The following CNTN5 variants were observed in gnomAD, a reference collection of about 807,000 sequenced individuals.
CNTN5 encodes the protein contactin-5.
Under a neutral mutation model 129.1 loss-of-function variants are expected in CNTN5, and 77 were observed. The observed-to-expected ratio is 0.60, with a 90% CI of 0.50 to 0.72. The LOEUF is 0.72. Ranked by LOEUF, CNTN5 falls within the 30% of genes least tolerant of loss-of-function variation. CNTN5 has a pLI of 0.00. For synonymous variants in CNTN5, 509 were observed against 465.6 expected, an observed-to-expected ratio of 1.09 and a Z score of -1.20; for missense variants, 1,478 against 1,328.8, an observed-to-expected ratio of 1.11 and a Z score of -1.75.
intron 10 of CNTN5, among the ~76,000 whole-genome samples, chr11:100,069,281 T>TCG (rs1943810816): frequency 6.6e-6 from 1 of 152,076 alleles, no homozygotes; most frequent in African/African-American, 2.4e-5. Context: ...ACCTTCCAAG[T>TCG]GGCTGGACCG....
At position 100,342,757 on chromosome 11, in the gene CNTN5, G is replaced by A. The variant is rs551235625; in HGVS notation, c.3030+1552G>A. Among the ~76,000 whole-genome samples, 47 of 152,200 alleles carry A rather than the reference G, an allele frequency of 3.1e-4. 1 individual carries two copies. The South Asian group carries it at 8.9e-3, about 29-fold the overall frequency. On this transcript the variant is annotated intron_variant, in intron 23 of 24. Coordinates refer to ENST00000524871, the MANE Select transcript of CNTN5 (RefSeq NM_014361.4). ...GACTAACGTTGGCCCAGATAGAAAT[G>A]TCTTATGCAGTTATTTATATATGTG...
intron 13 of CNTN5, among the ~76,000 whole-genome samples, chr11:100,118,383 C>T (rs1945908074): frequency 6.6e-6 from 1 of 151,698 alleles, no homozygotes; most frequent in Non-Finnish European, 1.5e-5. Flanking sequence ...CAGTACTGCT[C>T]GTTACACTAT....
chr11:99,480,927 T>C (rs1000843935), intron 2 of CNTN5, among the ~76,000 whole-genome samples: 5 of 152,162 alleles, frequency 3.3e-5, no homozygotes, highest in African/African-American at 4.8e-5. Context: ...TGAGAATTCA[T>C]TGGGGATATT....
intron 18 of CNTN5, among the ~76,000 whole-genome samples, chr11:100,285,886 T>C (rs1022664542): frequency 4.6e-5 from 7 of 152,078 alleles, no homozygotes; most frequent in Admixed American, 2.0e-4. Context: ...TGGGCGCAGG[T>C]CAGTGGGTGC....
intron 13 of CNTN5, among the ~76,000 whole-genome samples, chr11:100,091,900 A>G (rs950595098): frequency 3.3e-5 from 5 of 152,002 alleles, no homozygotes; most frequent in Admixed American, 3.3e-4. Flanking sequence ...TGCAGTTCCT[A>G]CCTTATATGT....
intron 2 of CNTN5, among the ~76,000 whole-genome samples, chr11:99,450,059 A>G (rs111734683): frequency 6.6e-6 from 1 of 152,268 alleles, no homozygotes; most frequent in African/African-American, 2.4e-5. Context: ...AAATTACCAG[A>G]CAGCTAGATT....
At chr11:99,812,835 G>A (rs1946470295) in intron 3 of CNTN5, among the ~76,000 whole-genome samples, 1 of 152,122 alleles carries the variant, frequency 6.6e-6, no homozygotes, top group African/African-American at 2.4e-5. Flanking sequence ...GAGCGATGAT[G>A]GCGGTACTGT....
chr11:99,114,766 A>G (rs918270216), intron 1 of CNTN5, among the ~76,000 whole-genome samples: 43 of 152,300 alleles, frequency 2.8e-4, no homozygotes, highest in African/African-American at 9.6e-4. Context: ...TTCTGTGTGT[A>G]TATATGTGCA....
intron 2 of CNTN5, among the ~76,000 whole-genome samples, chr11:99,472,967 C>A (rs1056704620): frequency 6.6e-6 from 1 of 152,126 alleles, no homozygotes. Context: ...ATTTTGTTCC[C>A]TCTCTGACAG....
intron 2 of CNTN5, among the ~76,000 whole-genome samples, chr11:99,358,271 T>TTTTTTTTTTTTTTC (rs1565518506): frequency 7.7e-6 from 1 of 129,440 alleles, no homozygotes. Context: ...TTTTTTTTTT[T>TTTTTTTTTTTTTTC]TTTTAGTAGA....
intron 2 of CNTN5, among the ~76,000 whole-genome samples, chr11:99,525,981 G>A (rs1408829221): frequency 6.8e-6 from 1 of 146,610 alleles, no homozygotes; most frequent in Non-Finnish European, 1.5e-5. Context: ...CATTTAAAAG[G>A]CATTATACAT....
chr11:100,206,658 A>AT (rs1022198673), intron 15 of CNTN5, among the ~76,000 whole-genome samples: 8 of 151,852 alleles, frequency 5.3e-5, no homozygotes, highest in Non-Finnish European at 8.8e-5. Context: ...GGACTGTATG[A>AT]TTTTTTTTCG....
intron 7 of CNTN5, among the ~76,000 whole-genome samples, chr11:99,953,486 A>G (rs1329757225): frequency 1.3e-5 from 2 of 152,242 alleles, no homozygotes; most frequent in African/African-American, 4.8e-5. Flanking sequence ...CTCACAAGAA[A>G]GAAAAGGAAA....
intron 3 of CNTN5, among the ~76,000 whole-genome samples, chr11:99,757,564 G>T (rs1351162135): frequency 2.0e-5 from 3 of 151,936 alleles, no homozygotes; most frequent in Non-Finnish European, 2.9e-5. Context: ...TACTATAAGT[G>T]CCCCACCCTA....
chr11:99,095,068 G>A (rs1370838470), intron 1 of CNTN5, among the ~76,000 whole-genome samples: 2 of 151,678 alleles, frequency 1.3e-5, no homozygotes, highest in African/African-American at 4.8e-5. Flanking sequence ...GTGCCATGGT[G>A]GCTTGCTGTA....
chr11:99,598,170 C>A (rs1202656982), intron 3 of CNTN5, among the ~76,000 whole-genome samples: 1 of 152,038 alleles, frequency 6.6e-6, no homozygotes, highest in Non-Finnish European at 1.5e-5. Context: ...AATTTTTGCT[C>A]CCTAAAACTG....
At chr11:99,866,175 A>G (rs766084749) in intron 6 of CNTN5, among the ~76,000 whole-genome samples, 3 of 152,152 alleles carry the variant, frequency 2.0e-5, no homozygotes, top group Admixed American at 6.5e-5. Context: ...CTTGTCACGA[A>G]TGGTTTTGCT....
At chr11:99,986,597 AC>A (rs1199716473) in intron 8 of CNTN5, among the ~76,000 whole-genome samples, 3 of 152,172 alleles carry the variant, frequency 2.0e-5, no homozygotes, top group Non-Finnish European at 4.4e-5. Context: ...TCATCAGTAA[AC>A]ATGCTAGAAT....
intron 2 of CNTN5, among the ~76,000 whole-genome samples, chr11:99,431,991 G>C (rs185824723): frequency 1.2e-4 from 18 of 152,234 alleles, no homozygotes; most frequent in African/African-American, 3.4e-4. Context: ...AGGAGCAGGT[G>C]GGGGGATAGT....
Sources: allele counts gnomAD v4.1 joint callset (sites outside exome capture counted in the v4.1 genomes callset), GRCh38; gene constraint gnomAD v4.1.1; transcripts MANE v1.5; gene names NCBI Gene and HGNC (gene_info 2026-07-23, HGNC 2026-07-21).